The following KIF13A variants were observed in gnomAD, a reference collection of about 807,000 sequenced individuals.
The protein encoded by KIF13A is kinesin family member 13A.
Under a neutral mutation model 212.2 loss-of-function variants are expected in KIF13A, and 79 were observed. The observed-to-expected ratio is 0.37, with a 90% CI of 0.31 to 0.45. KIF13A has a LOEUF of 0.45. Among genes scored for constraint, KIF13A ranks in the 20% least tolerant of loss-of-function variants. KIF13A has a pLI of 1.00. For synonymous variants in KIF13A, 789 were observed against 808.6 expected, an observed-to-expected ratio of 0.98 and a Z score of 0.41; for missense variants, 1,901 against 2,209.0, an observed-to-expected ratio of 0.86 and a Z score of 2.79.
At position 17,872,747 on chromosome 6, in the gene KIF13A, C is replaced by G. The variant is rs963436261; in HGVS notation, c.220+630G>C. On this transcript the variant is annotated intron_variant, in intron 4 of 38. Coordinates refer to ENST00000259711, the MANE Select transcript of KIF13A (RefSeq NM_022113.6). This position sits in a 1 kb window ranked among gnomAD's most constrained non-coding sequence, Gnocchi z 4.7. The stretch of plus-strand genomic sequence containing the variant: ...GCCTCCTGGGCTCAAGGCATTCTCC[C>G]GCCTCAGCCTCCCAAGTAGCTGGGA... Among the ~76,000 whole-genome samples the G allele has an allele frequency of 6.6e-6, 1 of 151,928 alleles. No homozygotes were observed. Among genetic ancestry groups the G allele is most frequent in the East Asian group, 1.9e-4 (1 of 5,174 alleles).
intron 29 of KIF13A, among the ~76,000 whole-genome samples, chr6:17,782,052 T>C (rs2150308782): frequency 6.6e-6 from 1 of 152,214 alleles, no homozygotes; most frequent in African/African-American, 2.4e-5. Context: ...TTTTCCTGCC[T>C]CAACCTCCCG....
rs958209007 is a variant in KIF13A, at chr6:17,984,159, T to C, written c.146+2895A>G. Among the ~76,000 whole-genome samples the C allele has an allele frequency of 6.6e-6, 1 of 152,248 alleles. No homozygotes were observed. The highest frequency in any genetic ancestry group is 1.5e-5 in the Non-Finnish European group (1 of 68,040). Reference sequence around the variant, plus strand: ...GAGGAAACAGAGAATTTTGAAATTATGTGGTTCATGAAATGGCAAAAGTAT... The same window carrying C: ...GAGGAAACAGAGAATTTTGAAATTACGTGGTTCATGAAATGGCAAAAGTAT... On this transcript the variant is annotated intron_variant, in intron 2 of 38. Coordinates refer to ENST00000259711, the MANE Select transcript of KIF13A (RefSeq NM_022113.6). This position sits in a 1 kb window ranked among gnomAD's most constrained non-coding sequence, Gnocchi z 5.0.
chr6:17,938,771 C>T (rs1266382268), intron 2 of KIF13A, among the ~76,000 whole-genome samples: 2 of 151,222 alleles, frequency 1.3e-5, no homozygotes, highest in Non-Finnish European at 1.5e-5. Context: ...TTCCTTAAAT[C>T]ATCAACTTGG....
intron 19 of KIF13A, among the ~76,000 whole-genome samples, chr6:17,804,811 TAAAAAAA>T (rs56785510): frequency 1.2e-3 from 29 of 23,296 alleles, no homozygotes; most frequent in East Asian, 3.0e-3. Flanking sequence ...CTGTCTCCAT[TAAAAAAA>T]AAAAAAAAAA....
Position 17,961,036 on chromosome 6 carries a change from T to C in KIF13A, c.146+26018A>G, listed in dbSNP as rs778806850. Among the ~76,000 whole-genome samples, 2 of 152,122 alleles carry C rather than the reference T, an allele frequency of 1.3e-5. No individual in the cohort carries two copies. The highest frequency in any genetic ancestry group is 2.9e-5 in the Non-Finnish European group (2 of 68,018). On this transcript the variant is annotated intron_variant, in intron 2 of 38. Transcript: ENST00000259711. This position sits in a 1 kb window ranked among gnomAD's most constrained non-coding sequence, Gnocchi z 4.1. ...ATTAAACAGCAGATTAACAAGTACATAAAAATATGGTTAAAATTATCTACA... is the reference window on the plus strand; with the variant it reads ...ATTAAACAGCAGATTAACAAGTACACAAAAATATGGTTAAAATTATCTACA...
intron 18 of KIF13A, among the ~76,000 whole-genome samples, chr6:17,807,056 C>T (rs1332951501): frequency 1.3e-5 from 2 of 152,162 alleles, no homozygotes; most frequent in Admixed American, 6.5e-5. Context: ...TCTTTGTAAG[C>T]TGAAGATGTA....
intron 2 of KIF13A, among the ~76,000 whole-genome samples, chr6:17,966,103 A>C (rs1198745211): frequency 6.6e-6 from 1 of 152,202 alleles, no homozygotes; most frequent in Middle Eastern, 3.2e-3. Context: ...TTGAGGCATG[A>C]GAATTGCTTG....
intron 22 of KIF13A, among the ~76,000 whole-genome samples, chr6:17,797,990 G>C (rs776077181): frequency 6.6e-6 from 1 of 152,180 alleles, no homozygotes; most frequent in Non-Finnish European, 1.5e-5. Flanking sequence ...AAACGAAGTA[G>C]GCAACGAGCC....
In KIF13A at chr6:17,849,298, G is replaced by T; in HGVS notation, c.830+79C>A. 1.0e-6 allele frequency: 1 copy of T among 972,968 alleles called. No homozygotes were observed. Among genetic ancestry groups the T allele is most frequent in the Non-Finnish European group, 1.6e-6 (1 of 635,470 alleles). The allele number at this position is 972,968 out of a possible 1,614,324, so 60.3% of individuals were successfully genotyped here. ...CAGACTTTAAACAACCTGTACATCA[G>T]AACCATCTGACCCTCATAATGCAAC... On this transcript the variant is annotated intron_variant, in intron 9 of 38. Transcript: ENST00000259711. This position sits in a 1 kb window ranked among gnomAD's most constrained non-coding sequence, Gnocchi z 5.7.
At chr6:17,858,077 AGTTAT>A (rs1006690149) in intron 4 of KIF13A, among the ~76,000 whole-genome samples, 22 of 120,498 alleles carry the variant, frequency 1.8e-4, no homozygotes, top group Non-Finnish European at 3.4e-5. Context: ...TATGTCAAAT[AGTTAT>A]GTGTGTGTGT....
intron 2 of KIF13A, among the ~76,000 whole-genome samples, chr6:17,976,412 C>T (rs191212435): frequency 0.011 from 1,677 of 152,344 alleles, 23 homozygotes; most frequent in African/African-American, 0.038. Flanking sequence ...AGTACACCCT[C>T]CGCAGCCGCT....
chr6:17,826,097 G>A lies in KIF13A; in HGVS notation c.1560C>T (p.Cys520=). The A allele has an allele frequency of 6.2e-7, 1 of 1,613,954 alleles. No individual in the cohort carries two copies. Among genetic ancestry groups the A allele is most frequent in the Non-Finnish European group, 8.5e-7 (1 of 1,179,854 alleles). Residue 520 remains cysteine, a synonymous_variant, in exon 15 of 39, where the codon TGC becomes TGT. Coordinates refer to ENST00000259711, the MANE Select transcript of KIF13A (RefSeq NM_022113.6). This position sits in a 1 kb window ranked among gnomAD's most constrained non-coding sequence, Gnocchi z 4.7. ...ARSCVNGTLV[C]STTQLWHGDR... The stretch of plus-strand genomic sequence containing the variant: ...CACCATGCCACAGCTGGGTGGTACT[G>A]CACACAAGGGTGCCGTTCACACAGG...
chr6:17,855,252 T>C lies in KIF13A; in HGVS notation c.494+185A>G, dbSNP rs865910118. Among the ~76,000 whole-genome samples the C allele has an allele frequency of 1.3e-5, 2 of 152,236 alleles. No individual in the cohort carries two copies. The highest frequency in any genetic ancestry group is 2.9e-5 in the Non-Finnish European group (2 of 68,040). On this transcript the variant is annotated intron_variant, in intron 6 of 38. Coordinates refer to ENST00000259711, the MANE Select transcript of KIF13A (RefSeq NM_022113.6). This position sits in a 1 kb window ranked among gnomAD's most constrained non-coding sequence, Gnocchi z 4.1. ...GGGCATACATAGGCAACTTTATACA[T>C]TAATGTAGGATAAACACTGGGTATA...
chr6:17,945,330 AAGTC>A (rs750732198), intron 2 of KIF13A, among the ~76,000 whole-genome samples: 5 of 152,180 alleles, frequency 3.3e-5, no homozygotes, highest in Non-Finnish European at 7.3e-5. Context: ...ATGATTTTAA[AAGTC>A]AGGACAGTGG....
chr6:17,976,003 G>A (rs574057714), intron 2 of KIF13A, among the ~76,000 whole-genome samples: 1 of 152,306 alleles, frequency 6.6e-6, no homozygotes, highest in South Asian at 2.1e-4. Flanking sequence ...GCTAGACACA[G>A]GGTGCTGATT....
At chr6:17,916,512 T>C (rs1284864101) in intron 2 of KIF13A, among the ~76,000 whole-genome samples, 1 of 152,252 alleles carries the variant, frequency 6.6e-6, no homozygotes, top group Non-Finnish European at 1.5e-5. Flanking sequence ...CTGCCATGTC[T>C]GAATCGGTTT....
Position 17,829,281 on chromosome 6 carries a change from A to G in KIF13A, c.1402-911T>C, listed in dbSNP as rs1223580089. On this transcript the variant is annotated intron_variant, in intron 13 of 38. Coordinates refer to ENST00000259711, the MANE Select transcript of KIF13A (RefSeq NM_022113.6). This position sits in a 1 kb window ranked among gnomAD's most constrained non-coding sequence, Gnocchi z 5.4. Reference sequence around the variant, plus strand: ...CATAAACATACAACCCTTAGCCCTCAGGGCTATAATATCATTACATGTCTC... The same window carrying G: ...CATAAACATACAACCCTTAGCCCTCGGGGCTATAATATCATTACATGTCTC... Among the ~76,000 whole-genome samples, 2 of 152,232 alleles carry G rather than the reference A, an allele frequency of 1.3e-5. No individual in the cohort carries two copies. The highest frequency in any genetic ancestry group is 3.8e-4 in the East Asian group (2 of 5,200).
intron 2 of KIF13A, among the ~76,000 whole-genome samples, chr6:17,972,636 T>A (rs1779905437): frequency 6.6e-6 from 1 of 152,178 alleles, no homozygotes; most frequent in African/African-American, 2.4e-5. Flanking sequence ...AACAGATGCC[T>A]ATGCAGTTCG....
At chr6:17,938,950 T>C (rs1776723827) in intron 2 of KIF13A, among the ~76,000 whole-genome samples, 1 of 152,130 alleles carries the variant, frequency 6.6e-6, no homozygotes, top group African/African-American at 2.4e-5. Context: ...TTTTCTAGCC[T>C]TGCATGTCAA....
Sources: allele counts gnomAD v4.1 joint callset (sites outside exome capture counted in the v4.1 genomes callset), GRCh38; gene constraint gnomAD v4.1.1; non-coding constraint Gnocchi (gnomAD v3.1); transcripts MANE v1.5; gene names NCBI Gene and HGNC (gene_info 2026-07-23, HGNC 2026-07-21).